The following FOXP1 variants were observed in gnomAD, a reference collection of about 807,000 sequenced individuals.
FOXP1 encodes the protein forkhead box protein P1.
A neutral mutation model predicts 98.2 loss-of-function variants in FOXP1; 15 were observed. The observed-to-expected ratio is 0.15, with a 90% CI of 0.10 to 0.24. The LOEUF (loss-of-function observed/expected upper bound fraction) is 0.24, where lower values mean the gene tolerates loss of function less well. Ranked by LOEUF, FOXP1 falls within the 10% of genes least tolerant of loss-of-function variation. The probability of loss-of-function intolerance (pLI) is 1.00; values close to 1 mark genes in which losing one functional copy is unlikely to be tolerated. For missense variants in FOXP1, 633 were observed against 848.5 expected, an observed-to-expected ratio of 0.75 and a Z score of 3.15; for synonymous variants, 371 against 314.5, an observed-to-expected ratio of 1.18 and a Z score of -1.90.
rs560052161 is a variant in FOXP1 at position 71,508,954 on chromosome 3, T to G, written c.-297-15399A>C. On this transcript the variant is annotated intron_variant, in intron 2 of 20. Transcript: ENST00000649528. ...GTGGTGAGGACAAAAGGGGAAAATGTATGTGAGACACTGAGCTCTGCATTC... is the reference window on the plus strand; with the variant it reads ...GTGGTGAGGACAAAAGGGGAAAATGGATGTGAGACACTGAGCTCTGCATTC... 7.9e-5 allele frequency among the ~76,000 whole-genome samples: 12 copies of G among 152,270 alleles called. No homozygotes were observed. In the East Asian group the frequency reaches 1.7e-3, roughly 22 times the overall value.
chr3:71,216,833 C>T (rs1332350748), intron 5 of FOXP1, among the ~76,000 whole-genome samples: 1 of 152,126 alleles, frequency 6.6e-6, no homozygotes, highest in Non-Finnish European at 1.5e-5. Flanking sequence ...TTAATTGTCC[C>T]TCCCCCACCA....
intron 6 of FOXP1, among the ~76,000 whole-genome samples, chr3:71,125,173 T>C (rs1423213214): frequency 1.3e-5 from 2 of 152,316 alleles, no homozygotes; most frequent in East Asian, 1.9e-4. Context: ...GAGATGATGA[T>C]ACTGGTGGTG....
intron 5 of FOXP1, among the ~76,000 whole-genome samples, chr3:71,199,146 C>T (rs1181864827): frequency 4.8e-5 from 7 of 145,004 alleles, no homozygotes; most frequent in Non-Finnish European, 1.0e-4. Context: ...CTTGCTCTGT[C>T]GCCGAGGATG....
intron 6 of FOXP1, among the ~76,000 whole-genome samples, chr3:71,116,695 A>T (rs750390753): frequency 6.6e-6 from 1 of 152,234 alleles, no homozygotes; most frequent in Admixed American, 6.5e-5. Flanking sequence ...AACTGAACAG[A>T]ATTTATAACA....
At chr3:71,466,379 A>G (rs1452303416) in intron 3 of FOXP1, among the ~76,000 whole-genome samples, 1 of 152,254 alleles carries the variant, frequency 6.6e-6, no homozygotes, top group Non-Finnish European at 1.5e-5. Flanking sequence ...ACACAAATGT[A>G]TATCTTTAAT....
chr3:70,980,829 G>C (rs2038705110), intron 14 of FOXP1, among the ~76,000 whole-genome samples: 2 of 152,156 alleles, frequency 1.3e-5, no homozygotes, highest in Non-Finnish European at 2.9e-5. Flanking sequence ...GTCAGTCAAA[G>C]GGCAAAGGTA....
intron 3 of FOXP1, among the ~76,000 whole-genome samples, chr3:71,377,838 A>G (rs1183882575): frequency 1.3e-5 from 2 of 152,236 alleles, no homozygotes; most frequent in African/African-American, 4.8e-5. Flanking sequence ...TATGAATGCT[A>G]TGCACAAATG....
intron 7 of FOXP1, among the ~76,000 whole-genome samples, chr3:71,054,703 C>A (rs1183106854): frequency 2.0e-5 from 3 of 151,948 alleles, no homozygotes; most frequent in Non-Finnish European, 2.9e-5. Context: ...TGTCAGTCCC[C>A]GTAATGCAAG....
In FOXP1 at chr3:70,970,773, C is replaced by T. The variant is rs368286998; in HGVS notation, c.1685G>A (p.Ser562Asn). ...ATTGAGAGGTGTGCAGTAGGCGTGG[C>T]TGCTCTGCATGTTTTTAATAAGGGA... ...NPSLIKNMQS[S>N]HAYCTPLNAA... The change falls in exon 19 of 21, where the codon AGC (serine) becomes AAC (asparagine). Residue 562 changes from serine (S) to asparagine (N), a missense_variant. This residue lies in a region of FOXP1 where 150 missense variants were observed against 163.7 expected (regional missense o/e 0.92). Transcript: ENST00000649528. 1.1e-5 allele frequency: 18 copies of T among 1,613,912 alleles called. No individual in the cohort carries two copies. The highest frequency in any genetic ancestry group is 2.2e-5 in the East Asian group (1 of 44,894).
chr3:71,166,235 A>G (rs114189375), intron 6 of FOXP1, among the ~76,000 whole-genome samples: 1,974 of 152,240 alleles, frequency 0.013, 29 homozygotes, highest in African/African-American at 0.045. Context: ...CAAGGAGCTT[A>G]CAGTCTTATG....
At chr3:71,015,485 A>G in intron 12 of FOXP1, 64 bp downstream of exon 12, 1 of 1,148,890 alleles carries the variant, frequency 8.7e-7, no homozygotes, top group Non-Finnish European at 1.3e-6. Context: ...TTTTATGAGC[A>G]AAGCATGAAC....
intron 5 of FOXP1, among the ~76,000 whole-genome samples, chr3:71,290,190 T>C (rs745754088): frequency 6.6e-6 from 1 of 152,178 alleles, no homozygotes; most frequent in Non-Finnish European, 1.5e-5. Context: ...ACTGTCTTGC[T>C]GTATTTTAGT....
chr3:71,019,431 G>A (rs772879385), intron 11 of FOXP1, among the ~76,000 whole-genome samples: 3 of 152,016 alleles, frequency 2.0e-5, no homozygotes, highest in Non-Finnish European at 4.4e-5. Flanking sequence ...AAAACTTTAG[G>A]GTCAATTGTT....
At chr3:71,043,210 A>C (rs2106905450) in intron 10 of FOXP1, among the ~76,000 whole-genome samples, 1 of 152,344 alleles carries the variant, frequency 6.6e-6, no homozygotes. Flanking sequence ...AGATATTCTT[A>C]GGAGGCATCC....
chr3:71,187,206 T>A (rs1414960285), intron 6 of FOXP1, among the ~76,000 whole-genome samples: 1 of 152,256 alleles, frequency 6.6e-6, no homozygotes, highest in Admixed American at 6.5e-5. Context: ...CAATTGTGAA[T>A]CACTACATTA....
At chr3:71,305,907 G>A (rs1482279259) in intron 4 of FOXP1, 1 of 152,610 alleles carries the variant, frequency 6.6e-6, no homozygotes, top group African/African-American at 2.4e-5. Flanking sequence ...AAAGCTTTGG[G>A]GCGGGAGAGG....
chr3:71,001,219 G>A (rs977740610), intron 12 of FOXP1, among the ~76,000 whole-genome samples, 160 bp from the exon 13 acceptor site: 3 of 152,166 alleles, frequency 2.0e-5, no homozygotes, highest in Admixed American at 6.5e-5. Flanking sequence ...CTTTAATGCT[G>A]TCATTATGTA....
intron 12 of FOXP1, among the ~76,000 whole-genome samples, chr3:71,009,699 T>C (rs1286327172): frequency 6.6e-6 from 1 of 152,096 alleles, no homozygotes; most frequent in Non-Finnish European, 1.5e-5. Context: ...TTTTAAAGAG[T>C]GCCTAGTATG....
chr3:71,429,495 A>AG (rs1316486471), intron 3 of FOXP1, among the ~76,000 whole-genome samples: 3 of 6,362 alleles, frequency 4.7e-4, no homozygotes, highest in African/African-American at 1.3e-3. Context: ...GGGGGGCGGG[A>AG]GGGGGGGTAC....
Sources: gnomAD v4.1 joint callset for allele counts (sites outside exome capture counted in the v4.1 genomes callset) on GRCh38, gnomAD v4.1.1 for gene constraint, gnomAD v4.1.1 regional missense constraint, MANE v1.5 for transcripts, NCBI Gene and HGNC (gene_info 2026-07-23, HGNC 2026-07-21) for gene names.